CACNA2D3: variants seen among roughly 807,000 people sequenced by gnomAD.
CACNA2D3 encodes the protein voltage-dependent calcium channel subunit alpha-2/delta-3.
In CACNA2D3, 60 loss-of-function variants were observed where a neutral mutation model predicts 160.6. The observed-to-expected ratio is 0.37, with a 90% confidence interval of 0.30 to 0.46. CACNA2D3 has a LOEUF of 0.46. CACNA2D3 is among the 20% of genes least tolerant of loss of function. CACNA2D3 has a pLI of 1.00. For synonymous variants in CACNA2D3, 558 were observed against 492.9 expected (o/e 1.13, Z -1.75); for missense variants, 1,205 against 1,365.0 (o/e 0.88, Z 1.85).
At chr3:54,324,608 AT>A (rs559351692) in intron 3 of CACNA2D3, among the ~76,000 whole-genome samples, 279 of 152,182 alleles carry the variant, frequency 1.8e-3, no homozygotes, top group Admixed American at 3.3e-3. Context: ...GTTATTTGAT[AT>A]GGCCATGCTC....
chr3:54,566,009 A>G (rs1436864401), intron 6 of CACNA2D3, among the ~76,000 whole-genome samples: 1 of 152,158 alleles, frequency 6.6e-6, no homozygotes, highest in African/African-American at 2.4e-5. Flanking sequence ...TGTTGAATGA[A>G]TGAATCACCC....
At chr3:54,150,109 T>C (rs1363082333) in intron 2 of CACNA2D3, among the ~76,000 whole-genome samples, 1 of 151,604 alleles carries the variant, frequency 6.6e-6, no homozygotes, top group African/African-American at 2.4e-5. Context: ...AAGTTCAGTT[T>C]TGGGGATTTG....
At chr3:54,898,176 CTTTT>C (rs766513983) in intron 26 of CACNA2D3, among the ~76,000 whole-genome samples, 1 of 95,028 alleles carries the variant, frequency 1.1e-5, no homozygotes, top group Non-Finnish European at 2.4e-5. Context: ...CTTTTCTTTT[CTTTT>C]CTTTTCTTTT....
At chr3:55,055,559 G>A (rs1478880010) in intron 35 of CACNA2D3, among the ~76,000 whole-genome samples, 1 of 151,960 alleles carries the variant, frequency 6.6e-6, no homozygotes, top group Non-Finnish European at 1.5e-5. Context: ...ATGAATTTTG[G>A]AATTTTTTTT....
At chr3:54,324,486 C>G (rs1220566965) in intron 3 of CACNA2D3, among the ~76,000 whole-genome samples, 1 of 152,152 alleles carries the variant, frequency 6.6e-6, no homozygotes, top group Non-Finnish European at 1.5e-5. Flanking sequence ...TTTCCATTAA[C>G]ATAATGGTGC....
intron 28 of CACNA2D3, among the ~76,000 whole-genome samples, 182 bp downstream of exon 28, chr3:54,968,693 A>G (rs1206552344): frequency 6.6e-6 from 1 of 152,184 alleles, no homozygotes; most frequent in Admixed American, 6.5e-5. Context: ...GTTAGACACC[A>G]CATGCTGAGC....
At chr3:54,718,598 T>C (rs560709893) in intron 11 of CACNA2D3, among the ~76,000 whole-genome samples, 1 of 152,202 alleles carries the variant, frequency 6.6e-6, no homozygotes, top group South Asian at 2.1e-4. Context: ...AGTCCTAATA[T>C]CTGGTAGTAT....
chr3:54,137,531 C>T (rs1174640733), intron 2 of CACNA2D3, among the ~76,000 whole-genome samples: 1 of 152,192 alleles, frequency 6.6e-6, no homozygotes, highest in Non-Finnish European at 1.5e-5. Context: ...CCTCAGGGGC[C>T]TTTTGGGCAC....
In CACNA2D3 at chr3:54,932,546, G is replaced by A. The variant is rs972919239; in HGVS notation, c.2449+32678G>A. On this transcript the variant is annotated intron_variant, in intron 27 of 37. Transcript: ENST00000474759. ...ACATTTCCTTTACTGGAATATTTGAGATGTCTTATCTTCTAGTGACTGGCT... is the reference window on the plus strand; with the variant it reads ...ACATTTCCTTTACTGGAATATTTGAAATGTCTTATCTTCTAGTGACTGGCT... 7.9e-5 allele frequency among the ~76,000 whole-genome samples: 12 copies of A among 152,306 alleles called. No homozygotes were observed. In the East Asian group the frequency reaches 9.7e-4, roughly 12 times the overall value.
chr3:54,900,742 G>A (rs925514029), intron 27 of CACNA2D3, among the ~76,000 whole-genome samples: 1 of 152,214 alleles, frequency 6.6e-6, no homozygotes, highest in Admixed American at 6.5e-5. Context: ...ATCCACTTCT[G>A]TGTCTTCACA....
At chr3:54,834,490 G>T (rs1698625178) in intron 14 of CACNA2D3, among the ~76,000 whole-genome samples, 2 of 152,210 alleles carry the variant, frequency 1.3e-5, no homozygotes, top group African/African-American at 4.8e-5. Flanking sequence ...TTTTAAGCAA[G>T]ATGTTAGAAC....
At chr3:54,244,032 A>G (rs1482598705) in intron 2 of CACNA2D3, among the ~76,000 whole-genome samples, 3 of 152,192 alleles carry the variant, frequency 2.0e-5, no homozygotes, top group African/African-American at 7.2e-5. Flanking sequence ...TGACCACCTG[A>G]TGATAGCACC....
At chr3:54,887,865 T>C in intron 23 of CACNA2D3, 94 bp from the exon 24 acceptor site, 7 of 894,444 alleles carry the variant, frequency 7.8e-6, no homozygotes, top group South Asian at 7.1e-5. Flanking sequence ...CATGAGAAAG[T>C]AGCCTGCAGA....
intron 2 of CACNA2D3, among the ~76,000 whole-genome samples, chr3:54,313,795 C>T (rs1190519194): frequency 6.9e-6 from 1 of 145,654 alleles, no homozygotes; most frequent in Non-Finnish European, 1.5e-5. Context: ...ATAGGAGTCA[C>T]TGCCCTGACT....
intron 8 of CACNA2D3, among the ~76,000 whole-genome samples, chr3:54,579,274 G>C (rs1702636132): frequency 6.6e-6 from 1 of 152,140 alleles, no homozygotes; most frequent in South Asian, 2.1e-4. Context: ...CTGGAGGAAG[G>C]TGGCTGCAGC....
intron 27 of CACNA2D3, among the ~76,000 whole-genome samples, chr3:54,907,077 AG>A (rs1700463189): frequency 6.6e-6 from 1 of 152,170 alleles, no homozygotes; most frequent in Non-Finnish European, 1.5e-5. Context: ...ACTCCTCAAA[AG>A]CCCCAACGCG....
chr3:54,685,779 G>T (rs985499278), intron 11 of CACNA2D3, among the ~76,000 whole-genome samples: 1 of 152,192 alleles, frequency 6.6e-6, no homozygotes, highest in African/African-American at 2.4e-5. Flanking sequence ...TGGTCATTTT[G>T]TGTTTTGGGA....
rs142094015 is a variant in CACNA2D3, at chr3:54,654,038, G to A, written c.1167+11797G>A. Among the ~76,000 whole-genome samples, 814 of 152,202 alleles carry A rather than the reference G, an allele frequency of 5.3e-3. 13 individuals are homozygous for A. The highest frequency in any genetic ancestry group is 0.019 in the African/African-American group (779 of 41,526). ...GCACTTCTAGTAGCATTCTTATTTT[G>A]CAGGTGAGAGAGCTCAGAGGATTTA... On this transcript the variant is annotated intron_variant, in intron 11 of 37. Transcript: ENST00000474759.
chr3:54,899,718 TATG>T, intron 26 of CACNA2D3, 67 bp from the exon 27 acceptor site: 1 of 1,147,752 alleles, frequency 8.7e-7, no homozygotes. Flanking sequence ...TGTAGACCGA[TATG>T]ATTACTCTCT....
Sources: gnomAD v4.1 joint callset for allele counts (sites outside exome capture counted in the v4.1 genomes callset) on GRCh38, gnomAD v4.1.1 for gene constraint, MANE v1.5 for transcripts, NCBI Gene and HGNC (gene_info 2026-07-23, HGNC 2026-07-21) for gene names.